Variants in SIPA1L2 observed in about 807,000 individuals in gnomAD.
The protein encoded by SIPA1L2 is signal induced proliferation associated 1 like 2.
A neutral mutation model predicts 163.9 loss-of-function variants in SIPA1L2; 56 were observed. The ratio of observed to expected loss-of-function variants is 0.34; its 90% CI spans 0.28 to 0.43. The LOEUF is 0.43. SIPA1L2 is among the 20% of genes least tolerant of loss of function. The probability of loss-of-function intolerance (pLI) is 1.00; values close to 1 mark genes in which losing one functional copy is unlikely to be tolerated. For synonymous variants in SIPA1L2, 877 were observed against 865.7 expected (o/e 1.01, Z -0.23); for missense variants, 1,974 against 2,193.5 (o/e 0.90, Z 2.00).
intron 6 of SIPA1L2, among the ~76,000 whole-genome samples, chr1:232,482,526 ATGT>A (rs2102975621): frequency 6.6e-6 from 1 of 152,232 alleles, no homozygotes; most frequent in South Asian, 2.1e-4. Flanking sequence ...ACCATGAATT[ATGT>A]CTGAGGCATG....
At position 232,465,517 on chromosome 1, in the gene SIPA1L2, T is replaced by TACAC. The variant is rs71162242; in HGVS notation, c.2244-105_2244-102dup. Reference sequence around the variant, plus strand: ...ATATACACACACACACACATATACATACACACACACACACACATATACATA... The same window carrying TACAC: ...ATATACACACACACACACATATACATACACACACACACACACACACATATACATA... On this transcript the variant is annotated intron_variant, in intron 8 of 22. Coordinates refer to ENST00000674635, the MANE Select transcript of SIPA1L2 (RefSeq NM_020808.5). This position sits in a 1 kb window ranked among gnomAD's most constrained non-coding sequence, Gnocchi z 4.1. 1.1e-5 allele frequency: 6 copies of TACAC among 562,982 alleles called. No homozygotes were observed. The highest frequency in any genetic ancestry group is 5.0e-5 in the African/African-American group (2 of 39,958). 34.9% of individuals were successfully genotyped at this position (562,982 alleles called of 1,614,324 possible).
At chr1:232,563,955 T>TTTGTGTGTGTGTGTGTG (rs1558270699) in intron 2 of SIPA1L2, among the ~76,000 whole-genome samples, 1 of 116,700 alleles carries the variant, frequency 8.6e-6, no homozygotes, top group Admixed American at 8.6e-5. Flanking sequence ...TTTTTTTTTT[T>TTTGTGTGTGTGTGTGTG]CGTGTGTGTG....
chr1:232,628,098 G>A (rs761994114), intron 1 of SIPA1L2, among the ~76,000 whole-genome samples: 14 of 152,196 alleles, frequency 9.2e-5, no homozygotes, highest in Non-Finnish European at 1.8e-4. Flanking sequence ...ACAGGCTGCC[G>A]TGATCTTGCT....
At chr1:232,619,363 A>C (rs1253995418) in intron 1 of SIPA1L2, among the ~76,000 whole-genome samples, 2 of 152,224 alleles carry the variant, frequency 1.3e-5, no homozygotes, top group Non-Finnish European at 2.9e-5. Context: ...TCATTTACAC[A>C]GGAATCTTTT....
intron 1 of SIPA1L2, among the ~76,000 whole-genome samples, chr1:232,606,217 G>C (rs557126155): frequency 5.9e-5 from 9 of 152,118 alleles, no homozygotes; most frequent in Non-Finnish European, 1.3e-4. Flanking sequence ...GAGACAATTA[G>C]CCTTTGACAC....
At position 232,541,276 on chromosome 1, in the gene SIPA1L2, C is replaced by CATAA. The variant is rs1657656152; in HGVS notation, c.-269-25672_-269-25669dup. Among the ~76,000 whole-genome samples, 5 of 150,642 alleles carry CATAA rather than the reference C, an allele frequency of 3.3e-5. No homozygotes were observed. The South Asian group carries it at 1.0e-3, about 31-fold the overall frequency. ...CATAACATAACATAACATAACATAACATAACATAACATAACATAACATAAC... is the reference window on the plus strand; with the variant it reads ...CATAACATAACATAACATAACATAACATAAATAACATAACATAACATAACATAAC... On this transcript the variant is annotated intron_variant, in intron 2 of 22. Coordinates refer to ENST00000674635, the MANE Select transcript of SIPA1L2 (RefSeq NM_020808.5).
intron 1 of SIPA1L2, among the ~76,000 whole-genome samples, chr1:232,609,832 AAAAAAAAAAAAAAG>A (rs1400585843): frequency 6.7e-6 from 1 of 148,766 alleles, no homozygotes. Context: ...TCCATCTCAA[AAAAAAAAAAAAAAG>A]AAAAAGAAAA....
intron 2 of SIPA1L2, among the ~76,000 whole-genome samples, chr1:232,566,514 A>G (rs1420093989): frequency 6.6e-6 from 1 of 152,230 alleles, no homozygotes; most frequent in Non-Finnish European, 1.5e-5. Context: ...CTTTTCACTA[A>G]CGGAATATAC....
chr1:232,469,137 G>C (rs1393284927), intron 8 of SIPA1L2, among the ~76,000 whole-genome samples: 1 of 152,210 alleles, frequency 6.6e-6, no homozygotes, highest in African/African-American at 2.4e-5. Context: ...CCTTCTGACA[G>C]CTGTAAGGCC....
intron 1 of SIPA1L2, among the ~76,000 whole-genome samples, chr1:232,584,106 G>A (rs1432728660): frequency 6.6e-6 from 1 of 151,586 alleles, no homozygotes; most frequent in Non-Finnish European, 1.5e-5. Context: ...TCCAAAGAGA[G>A]TCCTGCACCA....
At chr1:232,462,775 T>C (rs953576240) in intron 9 of SIPA1L2, among the ~76,000 whole-genome samples, 4 of 152,188 alleles carry the variant, frequency 2.6e-5, no homozygotes, top group South Asian at 2.1e-4. Context: ...TCAGGTGAAG[T>C]TTATCATCCA....
chr1:232,429,825 G>C (rs773815166), intron 16 of SIPA1L2, among the ~76,000 whole-genome samples: 4 of 152,176 alleles, frequency 2.6e-5, no homozygotes, highest in Non-Finnish European at 5.9e-5. Flanking sequence ...GGTGAGTTAG[G>C]TGGTGCTCAA....
intron 2 of SIPA1L2, among the ~76,000 whole-genome samples, chr1:232,567,013 A>G (rs1010892980): frequency 2.0e-5 from 3 of 152,190 alleles, no homozygotes; most frequent in Non-Finnish European, 2.9e-5. Flanking sequence ...GCAAAATAAG[A>G]CCACATTCTG....
At chr1:232,565,986 T>C (rs1659380732) in intron 2 of SIPA1L2, among the ~76,000 whole-genome samples, 1 of 152,246 alleles carries the variant, frequency 6.6e-6, no homozygotes, top group African/African-American at 2.4e-5. Flanking sequence ...ATAATAATTA[T>C]TGACTATGGC....
intron 1 of SIPA1L2, among the ~76,000 whole-genome samples, chr1:232,605,154 A>G (rs1256145470): frequency 6.6e-6 from 1 of 152,156 alleles, no homozygotes; most frequent in Non-Finnish European, 1.5e-5. Context: ...CTAGGACTAT[A>G]GGCATACATC....
chr1:232,521,843 A>G (rs926820146), intron 2 of SIPA1L2, among the ~76,000 whole-genome samples: 1 of 152,008 alleles, frequency 6.6e-6, no homozygotes, highest in East Asian at 1.9e-4. Context: ...CCTTGTGCCA[A>G]CCTCATAGTC....
intron 18 of SIPA1L2, among the ~76,000 whole-genome samples, chr1:232,423,406 T>C (rs1661693789): frequency 6.6e-6 from 1 of 152,210 alleles, no homozygotes; most frequent in South Asian, 2.1e-4. Flanking sequence ...AAGCTTAAAC[T>C]TTCCATGGAC....
At chr1:232,481,778 C>A (rs1459482673) in intron 6 of SIPA1L2, among the ~76,000 whole-genome samples, 1 of 152,156 alleles carries the variant, frequency 6.6e-6, no homozygotes, top group African/African-American at 2.4e-5. Context: ...ATGTTCCTAT[C>A]CCATTTCATT....
chr1:232,498,235 T>G (rs749578672), intron 3 of SIPA1L2, among the ~76,000 whole-genome samples: 1 of 152,158 alleles, frequency 6.6e-6, no homozygotes, highest in Non-Finnish European at 1.5e-5. Flanking sequence ...ATATCTGACC[T>G]CAAGCAGGAA....
Sources: allele counts gnomAD v4.1 joint callset (sites outside exome capture counted in the v4.1 genomes callset), GRCh38; gene constraint gnomAD v4.1.1; non-coding constraint Gnocchi (gnomAD v3.1); transcripts MANE v1.5; gene names NCBI Gene and HGNC (gene_info 2026-07-23, HGNC 2026-07-21).